The following LEMD2 variants were observed in gnomAD, a reference collection of about 807,000 sequenced individuals.
LEMD2 encodes LEM domain-containing protein 2.
In LEMD2, 34 loss-of-function variants were observed where a neutral mutation model predicts 58.8. The ratio of observed to expected loss-of-function variants is 0.58; its 90% CI spans 0.44 to 0.77. LEMD2 has a LOEUF of 0.77. Ranked by LOEUF, LEMD2 falls within the 30% of genes least tolerant of loss-of-function variation. The probability of loss-of-function intolerance (pLI) is 0.00; values close to 1 mark genes in which losing one functional copy is unlikely to be tolerated. For missense variants in LEMD2, 629 were observed against 717.9 expected (o/e 0.88, Z 1.42); for synonymous variants, 298 against 308.9 (o/e 0.96, Z 0.37).
intron 7 of LEMD2, 28 bp from the exon 8 acceptor site, chr6:33,777,084 C>A (rs896666546): frequency 6.2e-7 from 1 of 1,611,534 alleles, no homozygotes; most frequent in South Asian, 1.1e-5. Context: ...CCATTTAGGG[C>A]AAGGACCCTC....
intron 2 of LEMD2, chr6:33,784,639 C>T: frequency 2.0e-6 from 1 of 509,936 alleles, no homozygotes. Flanking sequence ...CCTGGAGAAG[C>T]AGAGGCAAAG....
At chr6:33,786,691 A>G in intron 2 of LEMD2, 43 bp downstream of exon 2, 1 of 1,501,806 alleles carries the variant, frequency 6.7e-7, no homozygotes, top group Non-Finnish European at 9.3e-7. Context: ...GGAGGCTAAT[A>G]TCCTCAGGAA....
chr6:33,788,234 TG>T, intron 1 of LEMD2, 146 bp downstream of exon 1: 1 of 837,940 alleles, frequency 1.2e-6, no homozygotes, highest in Non-Finnish European at 1.7e-6. Flanking sequence ...TTCCCACAGC[TG>T]GAAGAAGGCA....
Position 33,779,873 on chromosome 6 carries a change from C to T in LEMD2, c.1010+227G>A. ...TTAGCTGGAACACCAGGCTAACATC[C>T]TAACACCTGGATTTTGTGTCTCATC... On this transcript the variant is annotated intron_variant, in intron 5 of 8. Coordinates refer to ENST00000293760, the MANE Select transcript of LEMD2 (RefSeq NM_181336.4). The T allele has an allele frequency of 1.0e-5, 5 of 495,796 alleles. No individual in the cohort carries two copies. In the South Asian group the frequency reaches 1.4e-4, roughly 14 times the overall value. 30.7% of individuals were successfully genotyped at this position (495,796 alleles called of 1,614,324 possible).
In LEMD2 at chr6:33,772,548, G is replaced by A. The variant is rs11755593; in HGVS notation, c.*80C>T. 2.9e-6 allele frequency: 4 copies of A among 1,373,994 alleles called. No individual in the cohort carries two copies. The highest frequency in any genetic ancestry group is 2.9e-5 in the African/African-American group (2 of 70,044). The allele number at this position is 1,373,994 out of a possible 1,614,324, so 85.1% of individuals were successfully genotyped here. On this transcript the variant is annotated 3_prime_UTR_variant, in exon 9 of 9. Transcript: ENST00000293760. Reference sequence around the variant, plus strand: ...TCAAGGCAAGTGTGAATTCAGCACCGCAGGCCTGGTGACCCTCCTGTGCCT... The same window carrying A: ...TCAAGGCAAGTGTGAATTCAGCACCACAGGCCTGGTGACCCTCCTGTGCCT...
chr6:33,781,734 C>T (rs1767569268), intron 3 of LEMD2: 1 of 152,674 alleles, frequency 6.5e-6, no homozygotes, highest in African/African-American at 2.4e-5. Context: ...TGCCCAACCT[C>T]CCCGGTCCAG....
chr6:33,781,143 C>T lies in LEMD2; in HGVS notation c.864G>A (p.Glu288=), dbSNP rs200661472. ...TTTTTAGATTCTCTGGATTTCCACACTCAAAATTACCTAGGAGAAAAAAAA... is the reference window on the plus strand; with the variant it reads ...TTTTTAGATTCTCTGGATTTCCACATTCAAAATTACCTAGGAGAAAAAAAA... ...NFLAIQAGNF[E]CGNPENLKSK... is the part of the protein sequence containing the mutation. The change falls in exon 4 of 9, where the codon GAG becomes GAA. Residue 288 remains glutamate, a synonymous_variant. Transcript: ENST00000293760. The T allele has an allele frequency of 1.1e-5, 18 of 1,605,120 alleles. No individual in the cohort carries two copies. In the Admixed American group the frequency reaches 2.5e-4, roughly 23 times the overall value.
rs1273751904 is a variant in LEMD2, at chr6:33,777,193, C to G, written c.1203G>C (p.Trp401Cys). ...CTTGTTCCTCCTCTTCTAACTTTCG[C>G]CACCGATATTTTAGGAGAATTAGGA... ...WGLLILLKYR[W>C]RKLEEEEQAM... Residue 401 changes from tryptophan (W) to cysteine (C), a missense_variant, in exon 7 of 9, where the codon TGG (tryptophan) becomes TGC (cysteine). This residue lies in a region of LEMD2 where 243 missense variants were observed against 336.8 expected (regional missense o/e 0.72). Transcript: ENST00000293760. The G allele has an allele frequency of 6.2e-7, 1 of 1,614,204 alleles. No individual in the cohort carries two copies. The highest frequency in any genetic ancestry group is 1.7e-5 in the Admixed American group (1 of 60,024).
intron 8 of LEMD2, among the ~76,000 whole-genome samples, chr6:33,773,071 G>C (rs1421681225): frequency 6.6e-6 from 1 of 152,222 alleles, no homozygotes; most frequent in Non-Finnish European, 1.5e-5. Flanking sequence ...TAGGCTAGCT[G>C]ACTCTTGCTG....
chr6:33,781,371 G>A lies in LEMD2; in HGVS notation c.854-218C>T. On this transcript the variant is annotated intron_variant, in intron 3 of 8. Transcript: ENST00000293760. ...TAAAACCTGACCTGCAAAGCAGTGT[G>A]GCATTTTGCATTAAATGACTAAAAA... The A allele has an allele frequency of 7.2e-6, 4 of 558,674 alleles. No individual in the cohort carries two copies. In the South Asian group the frequency reaches 7.3e-5, roughly 10 times the overall value. 34.6% of individuals were successfully genotyped at this position (558,674 alleles called of 1,614,324 possible).
Position 33,788,936 on chromosome 6 carries a change from G to A in LEMD2, c.181C>T (p.Arg61Trp). ...CGTAACCGGGCCTCTTCCCGTAACC[G>A]CTCCTCGCCCCGCGGCCGGGCCTCC... ...REEARPRGEERLREEARLRED... is the reference protein window; with the variant it reads ...REEARPRGEEWLREEARLRED... Residue 61 changes from arginine (R) to tryptophan (W), a missense_variant, in exon 1 of 9, where the codon CGG becomes TGG. Transcript: ENST00000293760. The A allele has an allele frequency of 6.7e-7, 1 of 1,498,610 alleles. No homozygotes were observed. Among genetic ancestry groups the A allele is most frequent in the East Asian group, 2.8e-5 (1 of 35,736 alleles). 92.8% of individuals were successfully genotyped at this position (1,498,610 alleles called of 1,614,324 possible).
chr6:33,773,287 G>A (rs1229774223), intron 8 of LEMD2, among the ~76,000 whole-genome samples: 1 of 152,158 alleles, frequency 6.6e-6, no homozygotes, highest in Non-Finnish European at 1.5e-5. Flanking sequence ...GAGCCACAAC[G>A]GAGGGCCCCT....
intron 8 of LEMD2, among the ~76,000 whole-genome samples, 169 bp from the exon 9 acceptor site, chr6:33,772,947 G>A (rs1199753014): frequency 6.6e-6 from 1 of 152,232 alleles, no homozygotes; most frequent in East Asian, 1.9e-4. Flanking sequence ...AACGTCTTGG[G>A]CCATAGAGAA....
chr6:33,788,533 G>A lies in LEMD2; in HGVS notation c.584C>T (p.Ala195Val), dbSNP rs917358563. The A allele has an allele frequency of 1.2e-5, 18 of 1,501,926 alleles. No homozygotes were observed. The highest frequency in any genetic ancestry group is 1.6e-5 in the Non-Finnish European group (18 of 1,126,096). The allele number at this position is 1,501,926 out of a possible 1,614,324, so 93.0% of individuals were successfully genotyped here. ...CCCCACCTCAGGCCGGGCCCTCGCC[G>A]CGCCAGCAGGGCCCGCTCGAGTCGC... is the stretch of plus-strand genomic sequence containing the variant. ...LRATRAGPAG[A>V]ARARPEVGRR... is the part of the protein sequence containing the mutation. The change falls in exon 1 of 9, where the codon GCG (alanine) becomes GTG (valine). Residue 195 changes from alanine to valine, a missense_variant. Transcript: ENST00000293760.
Position 33,786,792 on chromosome 6 carries a change from AAC to A in LEMD2, c.737-20_737-19del. The A allele has an allele frequency of 1.2e-6, 2 of 1,613,276 alleles. No individual in the cohort carries two copies. Among genetic ancestry groups the A allele is most frequent in the Middle Eastern group, 1.7e-4 (1 of 6,056 alleles). ...TAACTTCACTGAGACCAAGAAAAGAAACACAGAGGAAATTAAGTGTGGGTTGA... is the reference window on the plus strand; with the variant it reads ...TAACTTCACTGAGACCAAGAAAAGAAACAGAGGAAATTAAGTGTGGGTTGA... On this transcript the variant is annotated intron_variant, in intron 1 of 8. Transcript: ENST00000293760.
In LEMD2 at chr6:33,784,214, C is replaced by T. The variant is rs908686042; in HGVS notation, c.853+138G>A. On this transcript the variant is annotated intron_variant, in intron 3 of 8. Transcript: ENST00000293760. ...AGTGAGGAGGCGAGAAGGTGAGACT[C>T]GGCTTCTGAATATGCCTTCTGAGAG... 1.9e-5 allele frequency: 14 copies of T among 728,546 alleles called. No homozygotes were observed. The Admixed American group carries it at 1.9e-4, about 10-fold the overall frequency. The allele number at this position is 728,546 out of a possible 1,614,324, so 45.1% of individuals were successfully genotyped here. A position where few individuals can be genotyped will look rare whatever the true frequency, so the allele number is the denominator to read the frequency against.
chr6:33,773,380 C>T (rs77580106), intron 8 of LEMD2, among the ~76,000 whole-genome samples: 2 of 152,268 alleles, frequency 1.3e-5, no homozygotes, highest in African/African-American at 2.4e-5. Context: ...CTTCTTCCCC[C>T]CTTCCAGACT....
chr6:33,783,943 C>T (rs1767618519), intron 3 of LEMD2, among the ~76,000 whole-genome samples: 1 of 152,222 alleles, frequency 6.6e-6, no homozygotes, highest in Admixed American at 6.5e-5. Flanking sequence ...CAAGAGGCCT[C>T]TCCCGGGCCC....
chr6:33,780,106 C>A lies in LEMD2; in HGVS notation c.1004G>T (p.Gly335Val). ...TWILSSNKDVGIWLKGEDQSE... is the reference protein window; with the variant it reads ...TWILSSNKDVVIWLKGEDQSE... The stretch of plus-strand genomic sequence containing the variant: ...CCACCCTGCCCACACTCACCAGATG[C>A]CCACGTCCTTGTTACTGCTCAGTAT... Residue 335 changes from glycine (G) to valine (V), a missense_variant, in exon 5 of 9, where the codon GGC becomes GTC. By Grantham distance (109) the Gly-to-Val change is moderately radical. This residue lies in a region of LEMD2 where 243 missense variants were observed against 336.8 expected (regional missense o/e 0.72). Transcript: ENST00000293760. The A allele has an allele frequency of 6.3e-7, 1 of 1,589,506 alleles. No homozygotes were observed. The highest frequency in any genetic ancestry group is 1.1e-5 in the South Asian group (1 of 87,376).
Sources: gnomAD v4.1 joint callset for allele counts (sites outside exome capture counted in the v4.1 genomes callset) on GRCh38, gnomAD v4.1.1 for gene constraint, gnomAD v4.1.1 regional missense constraint, MANE v1.5 for transcripts, NCBI Gene and HGNC (gene_info 2026-07-23, HGNC 2026-07-21) for gene names.